Variants in PHF3 observed in about 807,000 individuals in gnomAD.
The protein encoded by PHF3 is PHD finger protein 3.
PHF3 carries 41 observed loss-of-function variants against 178.4 expected under a neutral mutation model. The observed-to-expected ratio is 0.23, with a 90% CI of 0.18 to 0.30. The LOEUF (loss-of-function observed/expected upper bound fraction) is 0.30. Ranked by LOEUF, PHF3 falls within the 10% of genes least tolerant of loss-of-function variation. PHF3 has a pLI of 1.00. For synonymous variants in PHF3, 842 were observed against 800.5 expected (o/e 1.05, Z -0.88); for missense variants, 2,346 against 2,398.1 (o/e 0.98, Z 0.45).
At chr6:63,673,154 T>C (rs1765993886) in intron 2 of PHF3, among the ~76,000 whole-genome samples, 1 of 152,090 alleles carries the variant, frequency 6.6e-6, no homozygotes, top group Non-Finnish European at 1.5e-5. Flanking sequence ...TATTACCAAA[T>C]GTGCAGGATT....
In PHF3 at chr6:63,717,194, C is replaced by T. The variant is rs1197342540; in HGVS notation, c.*3486C>T. Reference sequence around the variant, plus strand: ...TAACGTGTGTGTTAACATAAAACTACCCGTCAACAGGTAACTTTACTCTGT... The same window carrying T: ...TAACGTGTGTGTTAACATAAAACTATCCGTCAACAGGTAACTTTACTCTGT... On this transcript the variant is annotated 3_prime_UTR_variant, in exon 16 of 16. Coordinates refer to ENST00000262043, the MANE Select transcript of PHF3 (RefSeq NM_001370348.2). 6.6e-6 allele frequency among the ~76,000 whole-genome samples: 1 copy of T among 151,992 alleles called. No homozygotes were observed. Among genetic ancestry groups the T allele is most frequent in the Non-Finnish European group, 1.5e-5 (1 of 67,966 alleles).
At chr6:63,653,377 G>GT (rs1554148221) in intron 2 of PHF3, among the ~76,000 whole-genome samples, 4 of 151,238 alleles carry the variant, frequency 2.6e-5, no homozygotes, top group African/African-American at 9.7e-5. Flanking sequence ...TCTGTTATTA[G>GT]TTTTTTTTGT....
Position 63,711,653 on chromosome 6 carries a change from C to T in PHF3, c.4065C>T (p.His1355=), listed in dbSNP as rs745460843. Residue 1355 remains histidine (H), a synonymous_variant, in exon 16 of 16, where the codon CAC becomes CAT. Transcript: ENST00000262043. ...LIIRQKLKRQ[H]SACASTSHIA... ...TTCGTCAGAAACTGAAGCGACAGCACAGTGCCTGTGCTAGTACTAGTCATA... is the reference window on the plus strand; with the variant it reads ...TTCGTCAGAAACTGAAGCGACAGCATAGTGCCTGTGCTAGTACTAGTCATA... 6.2e-7 allele frequency: 1 copy of T among 1,611,636 alleles called. No individual in the cohort carries two copies. The highest frequency in any genetic ancestry group is 8.5e-7 in the Non-Finnish European group (1 of 1,179,374).
At chr6:63,676,519 C>T (rs767392420) in intron 2 of PHF3, among the ~76,000 whole-genome samples, 11 of 152,054 alleles carry the variant, frequency 7.2e-5, no homozygotes, top group Non-Finnish European at 1.3e-4. Flanking sequence ...CTTCATGCAG[C>T]GGGAATAGCA....
intron 2 of PHF3, among the ~76,000 whole-genome samples, chr6:63,651,285 A>G (rs990313105): frequency 1.3e-5 from 2 of 152,198 alleles, no homozygotes; most frequent in African/African-American, 4.8e-5. Flanking sequence ...AATGCACAAT[A>G]AATTGTTAAT....
intron 3 of PHF3, among the ~76,000 whole-genome samples, chr6:63,683,636 G>C (rs937284081): frequency 6.6e-6 from 1 of 152,060 alleles, no homozygotes. Context: ...GTTTGAGGCT[G>C]TATTTTGAAA....
chr6:63,636,437 G>A (rs1265690809), intron 1 of PHF3: 7 of 152,260 alleles, frequency 4.6e-5, no homozygotes, highest in African/African-American at 9.7e-5. Context: ...CCTCTCTCCC[G>A]ACCACTGGTA....
rs138657658 is a variant in PHF3, at chr6:63,725,359, T to A, written c.*11651T>A. Among the ~76,000 whole-genome samples the A allele has an allele frequency of 2.6e-3, 394 of 152,256 alleles. No homozygotes were observed. Among genetic ancestry groups the A allele is most frequent in the Non-Finnish European group, 4.0e-3 (272 of 67,970 alleles). On this transcript the variant is annotated 3_prime_UTR_variant, in exon 16 of 16. Coordinates refer to ENST00000262043, the MANE Select transcript of PHF3 (RefSeq NM_001370348.2). Reference sequence around the variant, plus strand: ...TGTATCGTTGTACTGATTATAAAACTGTAGTACAATATTCCCAGCCAGTCA... The same window carrying A: ...TGTATCGTTGTACTGATTATAAAACAGTAGTACAATATTCCCAGCCAGTCA...
intron 1 of PHF3, among the ~76,000 whole-genome samples, chr6:63,641,385 C>T (rs866080822): frequency 6.6e-6 from 1 of 152,170 alleles, no homozygotes; most frequent in South Asian, 2.1e-4. Context: ...ATATTAGTCT[C>T]CTGATAAATT....
rs1375111045 is a variant in PHF3, at chr6:63,712,172, T to C, written c.4584T>C (p.Asp1528=). 6.2e-7 allele frequency: 1 copy of C among 1,613,472 alleles called. No homozygotes were observed. The highest frequency in any genetic ancestry group is 1.3e-5 in the African/African-American group (1 of 74,886). Reference sequence around the variant, plus strand: ...ACAAGGAGATAAAAGTTAAAGTAGATAATATTTCAGAATCTACAGATAAGT... The same window carrying C: ...ACAAGGAGATAAAAGTTAAAGTAGACAATATTTCAGAATCTACAGATAAGT... ...GENKEIKVKV[D]NISESTDKSA... Residue 1528 remains aspartate, a synonymous_variant, in exon 16 of 16, where the codon GAT becomes GAC. Transcript: ENST00000262043.
chr6:63,685,568 A>C lies in PHF3; in HGVS notation c.1846A>C (p.Thr616Pro). ...CLKEPHHPAQ[T>P]GHVSHSSQKQ... is the part of the protein sequence containing the mutation. ...GAAAGAACCTCATCATCCTGCACAA[A>C]CTGGACATGTATCACATTCTAGCCA... The change falls in exon 4 of 16, where the codon ACT becomes CCT. Residue 616 changes from threonine to proline, a missense_variant. Thr to Pro is a conservative substitution (Grantham distance 38). This residue lies in a region of PHF3 where 843 missense variants were observed against 795.2 expected (regional missense o/e 1.06). Transcript: ENST00000262043. The C allele has an allele frequency of 6.2e-7, 1 of 1,614,050 alleles. No individual in the cohort carries two copies. The highest frequency in any genetic ancestry group is 8.5e-7 in the Non-Finnish European group (1 of 1,179,996).
At chr6:63,656,546 A>G (rs1401807992) in intron 2 of PHF3, among the ~76,000 whole-genome samples, 2 of 151,862 alleles carry the variant, frequency 1.3e-5, no homozygotes, top group Admixed American at 6.6e-5. Context: ...TTTTGAGCCT[A>G]CTATTGGTCT....
intron 13 of PHF3, among the ~76,000 whole-genome samples, chr6:63,707,975 C>G (rs1219892672): frequency 1.3e-5 from 2 of 151,966 alleles, no homozygotes; most frequent in African/African-American, 2.4e-5. Context: ...CAACCATTCT[C>G]CTGTCTCAGC....
Position 63,691,728 on chromosome 6 carries a change from G to T in PHF3, c.2190-9G>T, listed in dbSNP as rs1370514931. On this transcript the variant is annotated splice_polypyrimidine_tract_variant and intron_variant, in intron 4 of 15. Transcript: ENST00000262043. ...AGGGATAAAAGTTTTTTGGTGTTCT[G>T]TTTTCCAGGTTTATGGTTGGCTGTG... 3.2e-6 allele frequency: 5 copies of T among 1,563,000 alleles called. No individual in the cohort carries two copies. Among genetic ancestry groups the T allele is most frequent in the Admixed American group, 1.9e-5 (1 of 51,648 alleles).
chr6:63,700,112 A>G (rs1202985893), intron 8 of PHF3, among the ~76,000 whole-genome samples: 4 of 152,056 alleles, frequency 2.6e-5, no homozygotes, highest in Non-Finnish European at 4.4e-5. Flanking sequence ...AGGTATTGTA[A>G]TGGTTCTACT....
At chr6:63,673,311 C>G (rs1272327806) in intron 2 of PHF3, among the ~76,000 whole-genome samples, 1 of 151,936 alleles carries the variant, frequency 6.6e-6, no homozygotes, top group East Asian at 1.9e-4. Context: ...ATAAAATTTT[C>G]CAGTGTTGCA....
intron 3 of PHF3, among the ~76,000 whole-genome samples, chr6:63,683,572 T>C (rs1361308514): frequency 6.6e-6 from 1 of 152,074 alleles, no homozygotes; most frequent in Non-Finnish European, 1.5e-5. Flanking sequence ...AGGAATAGCT[T>C]TAATGCTAAA....
chr6:63,638,967 A>G (rs1223546758), intron 1 of PHF3, among the ~76,000 whole-genome samples: 1 of 152,150 alleles, frequency 6.6e-6, no homozygotes, highest in African/African-American at 2.4e-5. Context: ...TTCTATTCTC[A>G]GTAAAGATAT....
chr6:63,696,452 T>TG (rs140074561), intron 6 of PHF3, among the ~76,000 whole-genome samples: 14,582 of 152,134 alleles, frequency 0.096, 733 homozygotes, highest in East Asian at 0.16. Flanking sequence ...CCTGAGTGGC[T>TG]GGACTACAGG....
Sources: allele counts gnomAD v4.1 joint callset (sites outside exome capture counted in the v4.1 genomes callset), GRCh38; gene constraint gnomAD v4.1.1; regional missense constraint gnomAD v4.1.1; transcripts MANE v1.5; gene names NCBI Gene and HGNC (gene_info 2026-07-23, HGNC 2026-07-21).